Variants in SLC41A3 observed in about 807,000 individuals in gnomAD.
SLC41A3 encodes the protein solute carrier family 41 member 3.
Under a neutral mutation model 45.4 loss-of-function variants are expected in SLC41A3, and 44 were observed. The observed-to-expected ratio is 0.97, with a 90% CI of 0.76 to 1.25. The LOEUF (loss-of-function observed/expected upper bound fraction) is 1.25. SLC41A3 is among the 50% of genes most tolerant of loss of function. The probability of loss-of-function intolerance (pLI) is 0.00; values close to 1 mark genes in which losing one functional copy is unlikely to be tolerated. For missense variants in SLC41A3, 550 were observed against 600.6 expected (o/e 0.92, Z 0.88); for synonymous variants, 256 against 252.4 (o/e 1.01, Z -0.13).
At chr3:126,045,740 G>A (rs1360637337) in intron 3 of SLC41A3, among the ~76,000 whole-genome samples, 2 of 151,976 alleles carry the variant, frequency 1.3e-5, no homozygotes, top group Non-Finnish European at 2.9e-5. Flanking sequence ...AATTGAAGAG[G>A]GAGAAATACT....
intron 3 of SLC41A3, among the ~76,000 whole-genome samples, chr3:126,047,743 C>T (rs1258923131): frequency 8.0e-5 from 12 of 150,268 alleles, no homozygotes; most frequent in Admixed American, 2.0e-4. Flanking sequence ...AAAATAAACT[C>T]TAAATGAATC....
chr3:126,038,616 T>C (rs527470402), intron 3 of SLC41A3, among the ~76,000 whole-genome samples: 4 of 152,242 alleles, frequency 2.6e-5, no homozygotes, highest in Non-Finnish European at 5.9e-5. Flanking sequence ...ATGCCTGTAC[T>C]ACCATTGCAT....
At chr3:126,088,678 A>T (rs1283127077), upstream of SLC41A3, among the ~76,000 whole-genome samples, 1 of 152,338 alleles carries the variant, frequency 6.6e-6, no homozygotes, top group South Asian at 2.1e-4. Flanking sequence ...TATCAAAAAG[A>T]TAGTCAATGT....
In SLC41A3 at chr3:126,057,166, A is replaced by G. The variant is rs145200998; in HGVS notation, c.274-6116T>C. 34 of 985,384 alleles carry G rather than the reference A, an allele frequency of 3.5e-5. No homozygotes were observed. The East Asian group carries it at 2.8e-3, about 82-fold the overall frequency. The allele number at this position is 985,384 out of a possible 1,614,324, so 61.0% of individuals were successfully genotyped here. ...AGGTCAAGCAGTCTATGGGTCCCCA[A>G]GCAGGAAGCCACGCCCTGGGTCATC... On this transcript the variant is annotated intron_variant, in intron 2 of 10. Transcript: ENST00000360370.
chr3:126,020,244 T>A (rs1282522183), intron 6 of SLC41A3, among the ~76,000 whole-genome samples: 1 of 152,042 alleles, frequency 6.6e-6, no homozygotes, highest in Non-Finnish European at 1.5e-5. Flanking sequence ...GGCAGCAAGC[T>A]CATGCCCTGG....
intron 2 of SLC41A3, chr3:126,056,850 C>T (rs996459538): frequency 2.9e-5 from 35 of 1,207,440 alleles, no homozygotes; most frequent in East Asian, 2.8e-4. Context: ...GCTGTGTGTC[C>T]GCCGGGACCT....
intron 3 of SLC41A3, among the ~76,000 whole-genome samples, chr3:126,038,737 T>C (rs1576281982): frequency 6.6e-6 from 1 of 152,320 alleles, no homozygotes; most frequent in East Asian, 1.9e-4. Flanking sequence ...TGGGGACTAC[T>C]GGAAAGGGAT....
upstream of SLC41A3, among the ~76,000 whole-genome samples, chr3:126,086,408 G>GGTTTTTTTTTTT (rs776330275): frequency 3.8e-4 from 8 of 21,182 alleles, 2 homozygotes; most frequent in Admixed American, 6.2e-4. Flanking sequence ...TTGTTTTCTT[G>GGTTTTTTTTTTT]TTTTTTTTTT....
chr3:126,070,025 G>A (rs1360268577), intron 1 of SLC41A3, among the ~76,000 whole-genome samples: 2 of 151,478 alleles, frequency 1.3e-5, no homozygotes, highest in African/African-American at 4.9e-5. Context: ...GTTGAAAAGG[G>A]GGAAGGCAGA....
chr3:126,009,159 A>G (rs1302827969), intron 9 of SLC41A3, among the ~76,000 whole-genome samples: 1 of 152,386 alleles, frequency 6.6e-6, no homozygotes, highest in African/African-American at 2.4e-5. Flanking sequence ...TTTAAAGAAA[A>G]TAAAGGTAAA....
rs543983364 is a variant in SLC41A3, at chr3:126,074,982, T to C, written c.-27-6736A>G. On this transcript the variant is annotated intron_variant, in intron 1 of 10. Transcript: ENST00000360370. ...CATATTCCACCATGCTTGGCTAGTA[T>C]TTTATTTTTTGTAGACAGGGTCTTG... is the stretch of plus-strand genomic sequence containing the variant. Among the ~76,000 whole-genome samples, 13 of 152,200 alleles carry C rather than the reference T, an allele frequency of 8.5e-5. No individual in the cohort carries two copies. The East Asian group carries it at 2.3e-3, about 27-fold the overall frequency.
chr3:126,018,294 C>T (rs1007248024), intron 6 of SLC41A3, among the ~76,000 whole-genome samples: 1 of 152,300 alleles, frequency 6.6e-6, no homozygotes, highest in Non-Finnish European at 1.5e-5. Flanking sequence ...TCATGTGATG[C>T]CTGAACTCTC....
intron 4 of SLC41A3, among the ~76,000 whole-genome samples, chr3:126,030,064 T>A (rs1576258842): frequency 1.4e-5 from 2 of 147,774 alleles, no homozygotes; most frequent in East Asian, 3.9e-4. Flanking sequence ...ACATAAAAAC[T>A]ATTTCAAAAA....
At chr3:126,062,425 C>T (rs1444914152) in intron 2 of SLC41A3, among the ~76,000 whole-genome samples, 1 of 152,224 alleles carries the variant, frequency 6.6e-6, no homozygotes, top group African/African-American at 2.4e-5. Context: ...CAGGGACCTC[C>T]GCAGCTCTGC....
intron 1 of SLC41A3, among the ~76,000 whole-genome samples, chr3:126,069,544 C>T (rs986839664): frequency 2.0e-5 from 3 of 152,032 alleles, no homozygotes; most frequent in Non-Finnish European, 2.9e-5. Flanking sequence ...ACACCTGTCA[C>T]GTTATATACT....
In SLC41A3 at chr3:126,038,668, G is replaced by A. The variant is rs148092197; in HGVS notation, c.382-4990C>T. ...TCATAAGTGGAAGAAATGTGCACTC[G>A]GTTTCAGATGAGACATTGGACTTTT... On this transcript the variant is annotated intron_variant, in intron 3 of 10. Coordinates refer to ENST00000360370, the MANE Select transcript of SLC41A3 (RefSeq NM_017836.4). Among the ~76,000 whole-genome samples the A allele has an allele frequency of 2.0e-3, 300 of 152,296 alleles. 2 individuals carry two copies. Among genetic ancestry groups the A allele is most frequent in the African/African-American group, 6.6e-3 (276 of 41,558 alleles).
At chr3:126,048,849 G>A (rs1018185900) in intron 3 of SLC41A3, among the ~76,000 whole-genome samples, 6 of 151,930 alleles carry the variant, frequency 3.9e-5, no homozygotes, top group Admixed American at 6.6e-5. Flanking sequence ...GTATGTATTC[G>A]TCAAAAGTCA....
Position 126,007,308 on chromosome 3 carries a change from A to G in SLC41A3, c.1255-83T>C. ...AGGAAGCACTAGCTGAGGCTCAAGG[A>G]GAGATACCAAGGTGGACAGGTCAAC... On this transcript the variant is annotated intron_variant, in intron 10 of 10. Transcript: ENST00000360370. The G allele has an allele frequency of 9.0e-6, 13 of 1,451,428 alleles. No individual in the cohort carries two copies. In the South Asian group the frequency reaches 1.7e-4, roughly 19 times the overall value. The allele number at this position is 1,451,428 out of a possible 1,614,324, so 89.9% of individuals were successfully genotyped here.
At chr3:126,008,318 C>T (rs555723917) in intron 10 of SLC41A3, among the ~76,000 whole-genome samples, 1 of 152,316 alleles carries the variant, frequency 6.6e-6, no homozygotes, top group Admixed American at 6.5e-5. Context: ...ATGCATGTGG[C>T]ATGCACTGTG....
Sources: gnomAD v4.1 joint callset for allele counts (sites outside exome capture counted in the v4.1 genomes callset) on GRCh38, gnomAD v4.1.1 for gene constraint, MANE v1.5 for transcripts, NCBI Gene and HGNC (gene_info 2026-07-23, HGNC 2026-07-21) for gene names.